GNA13: variants seen among roughly 807,000 people sequenced by gnomAD.
GNA13 encodes the protein guanine nucleotide-binding protein subunit alpha-13.
In GNA13, 4 loss-of-function variants were observed where a neutral mutation model predicts 33.5. The observed-to-expected ratio is 0.12, with a 90% CI of 0.06 to 0.27. The LOEUF is 0.27. Ranked by LOEUF, GNA13 falls within the 10% of genes least tolerant of loss-of-function variation. The probability of loss-of-function intolerance (pLI) is 1.00; values close to 1 mark genes in which losing one functional copy is unlikely to be tolerated. For synonymous variants in GNA13, 176 were observed against 183.8 expected, an observed-to-expected ratio of 0.96 and a Z score of 0.34; for missense variants, 319 against 487.2, an observed-to-expected ratio of 0.65 and a Z score of 3.25.
intron 2 of GNA13, among the ~76,000 whole-genome samples, chr17:65,046,448 G>A (rs550832217): frequency 2.0e-5 from 3 of 152,042 alleles, no homozygotes; most frequent in Admixed American, 6.6e-5. Flanking sequence ...GTGCCACTGC[G>A]CTTGGCTAAT....
rs766416635 is a variant in GNA13 at position 65,012,950 on chromosome 17, C to T, written c.*1307G>A. On this transcript the variant is annotated 3_prime_UTR_variant, in exon 4 of 4. Transcript: ENST00000439174. ...GATGAGTTCACTATGAATGTATCTGCGATCACAAAGCTACTTCGTGGACAC... is the reference window on the plus strand; with the variant it reads ...GATGAGTTCACTATGAATGTATCTGTGATCACAAAGCTACTTCGTGGACAC... 2.3e-5 allele frequency: 5 copies of T among 221,074 alleles called. No homozygotes were observed. The highest frequency in any genetic ancestry group is 4.5e-5 in the African/African-American group (2 of 44,606). 13.7% of individuals were successfully genotyped at this position (221,074 alleles called of 1,614,324 possible). A position where few individuals can be genotyped will look rare whatever the true frequency, so the allele number is the denominator to read the frequency against.
chr17:65,043,227 C>A (rs536864587), intron 2 of GNA13, among the ~76,000 whole-genome samples: 37 of 152,240 alleles, frequency 2.4e-4, no homozygotes, highest in African/African-American at 8.4e-4. Context: ...AAGGCCATCA[C>A]ATGAAACCAA....
chr17:65,018,400 C>A, intron 2 of GNA13, 97 bp from the exon 3 acceptor site: 1 of 711,746 alleles, frequency 1.4e-6, no homozygotes, highest in Non-Finnish European at 2.5e-6. Context: ...ACACTTAACC[C>A]AAACAGACTT....
chr17:65,049,056 A>C (rs926951619), intron 2 of GNA13, among the ~76,000 whole-genome samples: 1 of 152,186 alleles, frequency 6.6e-6, no homozygotes, highest in African/African-American at 2.4e-5. Flanking sequence ...TTATAGAAAT[A>C]ATCCATATTT....
intron 2 of GNA13, among the ~76,000 whole-genome samples, chr17:65,019,571 A>G (rs1248121584): frequency 6.6e-6 from 1 of 152,232 alleles, no homozygotes; most frequent in Non-Finnish European, 1.5e-5. Flanking sequence ...ACAGACACAA[A>G]AAGACAAACA....
intron 2 of GNA13, among the ~76,000 whole-genome samples, chr17:65,039,344 C>T (rs1251799316): frequency 6.6e-6 from 1 of 152,192 alleles, no homozygotes; most frequent in Non-Finnish European, 1.5e-5. Context: ...CTCTCCCTCA[C>T]TCCCCTCTAA....
chr17:65,043,728 G>T lies in GNA13; in HGVS notation c.510+9774C>A, dbSNP rs556835797. On this transcript the variant is annotated intron_variant, in intron 2 of 3. Coordinates refer to ENST00000439174, the MANE Select transcript of GNA13 (RefSeq NM_006572.6). Reference sequence around the variant, plus strand: ...CAGGACTGATAAAAAATGAAAACAAGAACAAAAAAAACAAACATCAACGAA... The same window carrying T: ...CAGGACTGATAAAAAATGAAAACAATAACAAAAAAAACAAACATCAACGAA... Among the ~76,000 whole-genome samples the T allele has an allele frequency of 2.6e-5, 4 of 152,050 alleles. No homozygotes were observed. The South Asian group carries it at 8.3e-4, about 32-fold the overall frequency.
rs533073105 is a variant in GNA13, at chr17:65,013,836, A to C, written c.*421T>G. 1 of 227,232 alleles carries C rather than the reference A, an allele frequency of 4.4e-6. No homozygotes were observed. Among genetic ancestry groups the C allele is most frequent in the Non-Finnish European group, 8.8e-6 (1 of 113,712 alleles). The allele number at this position is 227,232 out of a possible 1,614,324, so 14.1% of individuals were successfully genotyped here. A position where few individuals can be genotyped will look rare whatever the true frequency, so the allele number is the denominator to read the frequency against. On this transcript the variant is annotated 3_prime_UTR_variant, in exon 4 of 4. Coordinates refer to ENST00000439174, the MANE Select transcript of GNA13 (RefSeq NM_006572.6). ...AAGTTAGGCAACAAGTGTCACTGCTATATGTAAGGCGGACAGAAGATATCT... is the reference window on the plus strand; with the variant it reads ...AAGTTAGGCAACAAGTGTCACTGCTCTATGTAAGGCGGACAGAAGATATCT...
At chr17:65,022,943 T>G (rs1374010810) in intron 2 of GNA13, among the ~76,000 whole-genome samples, 1 of 152,200 alleles carries the variant, frequency 6.6e-6, no homozygotes, top group Non-Finnish European at 1.5e-5. Context: ...CATGGCAAAT[T>G]ATTTCAGTGG....
chr17:65,026,919 C>T (rs900367685), intron 2 of GNA13, among the ~76,000 whole-genome samples: 2 of 152,168 alleles, frequency 1.3e-5, no homozygotes, highest in Admixed American at 1.3e-4. Context: ...GCTGGGATTA[C>T]AAGCATGAGC....
chr17:65,014,223 C>A lies in GNA13; in HGVS notation c.*34G>T. ...AAACAAACAGAAAACATCAAAAACA[C>A]AAAAAGATATTAAAACAGCAAGTCT... On this transcript the variant is annotated 3_prime_UTR_variant, in exon 4 of 4. Transcript: ENST00000439174. The surrounding 1 kb of genome is among the most constrained non-coding windows in gnomAD (Gnocchi z 5.3). 1 of 1,263,322 alleles carries A rather than the reference C, an allele frequency of 7.9e-7. No individual in the cohort carries two copies. Among genetic ancestry groups the A allele is most frequent in the Non-Finnish European group, 1.1e-6 (1 of 883,798 alleles). 78.3% of individuals were successfully genotyped at this position (1,263,322 alleles called of 1,614,324 possible). A position where few individuals can be genotyped will look rare whatever the true frequency, so the allele number is the denominator to read the frequency against.
Position 65,018,315 on chromosome 17 carries a change from A to C in GNA13, c.511-12T>G. On this transcript the variant is annotated splice_polypyrimidine_tract_variant and intron_variant, in intron 2 of 3. Coordinates refer to ENST00000439174, the MANE Select transcript of GNA13 (RefSeq NM_006572.6). ...TTTACAGATTCACCCTAAAAACAAG[A>C]AGAAAACAAATAGTTATTAGGGCTT... 7.5e-7 allele frequency: 1 copy of C among 1,326,762 alleles called. No individual in the cohort carries two copies. The highest frequency in any genetic ancestry group is 1.1e-6 in the Non-Finnish European group (1 of 918,066). 82.2% of individuals were successfully genotyped at this position (1,326,762 alleles called of 1,614,324 possible).
chr17:65,038,819 T>A lies in GNA13; in HGVS notation c.510+14683A>T, dbSNP rs537497547. On this transcript the variant is annotated intron_variant, in intron 2 of 3. Transcript: ENST00000439174. ...TTGGAACACTTACATCAGTTGATAG[T>A]TGGGCAAAATCATCTAGCACAAAGC... is the stretch of plus-strand genomic sequence containing the variant. Among the ~76,000 whole-genome samples, 3 of 152,340 alleles carry A rather than the reference T, an allele frequency of 2.0e-5. No individual in the cohort carries two copies. In the East Asian group the frequency reaches 5.8e-4, roughly 29 times the overall value.
At chr17:65,028,954 C>CA (rs1190622594) in intron 2 of GNA13, among the ~76,000 whole-genome samples, 4 of 145,906 alleles carry the variant, frequency 2.7e-5, no homozygotes, top group African/African-American at 1.0e-4. Context: ...GAGGTAGAAA[C>CA]AAAAAGAAAA....
chr17:65,047,271 C>T (rs1907699441), intron 2 of GNA13, among the ~76,000 whole-genome samples: 1 of 152,154 alleles, frequency 6.6e-6, no homozygotes. Flanking sequence ...TACTGTAATC[C>T]CAGCACTTTA....
chr17:65,023,625 T>C (rs142322935), intron 2 of GNA13, among the ~76,000 whole-genome samples: 7 of 152,358 alleles, frequency 4.6e-5, no homozygotes, highest in East Asian at 1.9e-4. Context: ...ACAGCTAGCA[T>C]AGTTTTAATC....
chr17:65,048,247 T>C (rs1471944414), intron 2 of GNA13, among the ~76,000 whole-genome samples: 4 of 152,160 alleles, frequency 2.6e-5, no homozygotes, highest in Non-Finnish European at 4.4e-5. Flanking sequence ...AAAAAAATAG[T>C]TGGAAATGAC....
intron 1 of GNA13, among the ~76,000 whole-genome samples, chr17:65,054,379 T>A (rs533740628): frequency 3.9e-5 from 6 of 152,380 alleles, no homozygotes; most frequent in African/African-American, 1.4e-4. Context: ...TCATTTTTCC[T>A]ATCACTGATC....
intron 1 of GNA13, chr17:65,055,869 G>T: frequency 2.1e-6 from 1 of 487,044 alleles, no homozygotes; most frequent in Non-Finnish European, 2.7e-6. Flanking sequence ...CACCCAGCCA[G>T]GGTAGCGAGG....
Sources: gnomAD v4.1 joint callset for allele counts (sites outside exome capture counted in the v4.1 genomes callset) on GRCh38, gnomAD v4.1.1 for gene constraint, Gnocchi (gnomAD v3.1) non-coding constraint, MANE v1.5 for transcripts, NCBI Gene and HGNC (gene_info 2026-07-23, HGNC 2026-07-21) for gene names.